Variants in EXOC6B observed in about 807,000 individuals in gnomAD.
The protein encoded by EXOC6B is exocyst complex component 6B, also known as SEC15 homolog B.
A neutral mutation model predicts 113.5 loss-of-function variants in EXOC6B; 54 were observed. That is an observed-to-expected ratio of 0.48 (90% CI 0.38 to 0.60). The LOEUF (loss-of-function observed/expected upper bound fraction) is 0.60, where lower values mean the gene tolerates loss of function less well. EXOC6B is among the 20% of genes least tolerant of loss of function. EXOC6B has a pLI of 0.00. For missense variants in EXOC6B, 797 were observed against 977.5 expected (o/e 0.82, Z 2.46); for synonymous variants, 357 against 339.0 (o/e 1.05, Z -0.58).
intron 20 of EXOC6B, among the ~76,000 whole-genome samples, chr2:72,247,155 A>T (rs1442869855): frequency 6.6e-6 from 1 of 152,198 alleles, no homozygotes; most frequent in East Asian, 1.9e-4. Context: ...ATATGAAAAT[A>T]ATCTTTCTGA....
chr2:72,338,160 T>C (rs1688802616), intron 19 of EXOC6B, among the ~76,000 whole-genome samples: 1 of 152,148 alleles, frequency 6.6e-6, no homozygotes, highest in Non-Finnish European at 1.5e-5. Flanking sequence ...ACTTAACCTC[T>C]TTACACTTCA....
At chr2:72,401,646 C>CATATAT (rs72155589) in intron 18 of EXOC6B, among the ~76,000 whole-genome samples, 5 of 20,690 alleles carry the variant, frequency 2.4e-4, no homozygotes, top group Non-Finnish European at 1.6e-4. Context: ...TACATATATA[C>CATATAT]ATATATATAT....
chr2:72,692,661 T>C (rs146770610), intron 6 of EXOC6B, among the ~76,000 whole-genome samples: 3 of 152,334 alleles, frequency 2.0e-5, no homozygotes, highest in African/African-American at 7.2e-5. Context: ...TTTTTCACTA[T>C]ATTCTTTATC....
In EXOC6B at chr2:72,218,047, C is replaced by A. The variant is rs1264458970; in HGVS notation, c.2197-33860G>T. 2.0e-5 allele frequency among the ~76,000 whole-genome samples: 3 copies of A among 152,184 alleles called. No individual in the cohort carries two copies. In the East Asian group the frequency reaches 5.8e-4, roughly 29 times the overall value. On this transcript the variant is annotated intron_variant, in intron 20 of 21. Transcript: ENST00000272427. Reference sequence around the variant, plus strand: ...AGAAGTTAAGTAACTTGTTCCAGATCACTGAAGGGCTCTTTGGAAAAAGGA... The same window carrying A: ...AGAAGTTAAGTAACTTGTTCCAGATAACTGAAGGGCTCTTTGGAAAAAGGA...
intron 20 of EXOC6B, among the ~76,000 whole-genome samples, chr2:72,229,217 A>C (rs927069072): frequency 1.3e-5 from 2 of 152,128 alleles, no homozygotes; most frequent in African/African-American, 4.8e-5. Context: ...AAAAGAGAAA[A>C]ATGGTAAAGC....
chr2:72,657,531 T>C (rs909213415), intron 6 of EXOC6B, among the ~76,000 whole-genome samples: 6 of 150,904 alleles, frequency 4.0e-5, no homozygotes, highest in Non-Finnish European at 5.9e-5. Context: ...CACACCTGGC[T>C]TGTCATTTAA....
chr2:72,654,324 G>C (rs1045265050), intron 6 of EXOC6B, among the ~76,000 whole-genome samples: 1 of 152,190 alleles, frequency 6.6e-6, no homozygotes, highest in Non-Finnish European at 1.5e-5. Context: ...CTACATAGAA[G>C]TCTTTAACAA....
chr2:72,709,699 T>A (rs1679144562), intron 6 of EXOC6B, among the ~76,000 whole-genome samples: 1 of 152,136 alleles, frequency 6.6e-6, no homozygotes. Context: ...TTTTTTCTAA[T>A]CTTTGTTTTT....
chr2:72,823,479 C>CAAAAAAA (rs1214480106), intron 1 of EXOC6B, among the ~76,000 whole-genome samples: 5 of 95,338 alleles, frequency 5.2e-5, no homozygotes, highest in Non-Finnish European at 7.3e-5. Context: ...AAAAAAAAAA[C>CAAAAAAA]AAAAAACAAA....
At chr2:72,741,113 A>AG (rs1240094317) in intron 2 of EXOC6B, among the ~76,000 whole-genome samples, 191 bp downstream of exon 2, 2 of 151,630 alleles carry the variant, frequency 1.3e-5, no homozygotes, top group Non-Finnish European at 2.9e-5. Context: ...CAAAAAAAAA[A>AG]GGGGGGGTGG....
intron 6 of EXOC6B, among the ~76,000 whole-genome samples, chr2:72,708,480 C>T (rs1234314083): frequency 6.6e-6 from 1 of 152,110 alleles, no homozygotes; most frequent in African/African-American, 2.4e-5. Flanking sequence ...TAAACAGTTG[C>T]ATTTACCCAT....
chr2:72,685,371 T>G (rs909645212), intron 6 of EXOC6B, among the ~76,000 whole-genome samples: 1 of 152,152 alleles, frequency 6.6e-6, no homozygotes, highest in Non-Finnish European at 1.5e-5. Flanking sequence ...TAGGCAGGCG[T>G]ATTCTGTGTG....
intron 1 of EXOC6B, among the ~76,000 whole-genome samples, chr2:72,765,531 G>T (rs540844339): frequency 4.6e-5 from 7 of 152,228 alleles, no homozygotes; most frequent in African/African-American, 1.7e-4. Context: ...AACTTAGCCA[G>T]CCATGATGAC....
chr2:72,711,121 C>G (rs1391891494), intron 6 of EXOC6B, among the ~76,000 whole-genome samples: 1 of 151,964 alleles, frequency 6.6e-6, no homozygotes, highest in Non-Finnish European at 1.5e-5. Context: ...TAAGTGAAAT[C>G]CAGAAATAAA....
rs181944266 is a variant in EXOC6B, at chr2:72,767,344, T to C, written c.114-25875A>G. ...AACTGGAGAGGCTGAGGCAGGAGAATCGCTTGAAACCGGGAGGCGGAGGTT... is the reference window on the plus strand; with the variant it reads ...AACTGGAGAGGCTGAGGCAGGAGAACCGCTTGAAACCGGGAGGCGGAGGTT... On this transcript the variant is annotated intron_variant, in intron 1 of 21. Coordinates refer to ENST00000272427, the MANE Select transcript of EXOC6B (RefSeq NM_015189.3). 1.9e-3 allele frequency among the ~76,000 whole-genome samples: 290 copies of C among 152,008 alleles called. 1 individual carries two copies. Among genetic ancestry groups the C allele is most frequent in the Admixed American group, 6.0e-3 (91 of 15,270 alleles).
At chr2:72,650,747 T>C (rs751331568) in intron 6 of EXOC6B, among the ~76,000 whole-genome samples, 1 of 152,062 alleles carries the variant, frequency 6.6e-6, no homozygotes, top group Non-Finnish European at 1.5e-5. Flanking sequence ...CTACAATTCC[T>C]ATCAGAATGG....
intron 20 of EXOC6B, among the ~76,000 whole-genome samples, chr2:72,210,294 C>T (rs1315042234): frequency 3.3e-5 from 5 of 152,144 alleles, no homozygotes; most frequent in Admixed American, 3.3e-4. Context: ...AATTAAGGAG[C>T]CAGATCCACA....
chr2:72,427,784 G>A (rs565266194), intron 18 of EXOC6B, among the ~76,000 whole-genome samples: 2 of 152,272 alleles, frequency 1.3e-5, no homozygotes, highest in Non-Finnish European at 2.9e-5. Context: ...AAGGCTGGGG[G>A]CTAGGCTGGC....
At chr2:72,593,993 G>C (rs984592312) in intron 6 of EXOC6B, among the ~76,000 whole-genome samples, 2 of 152,104 alleles carry the variant, frequency 1.3e-5, no homozygotes, top group Non-Finnish European at 2.9e-5. Context: ...TGTTGTTGCT[G>C]TTGTTAAGAC....
Sources: gnomAD v4.1 joint callset for allele counts (sites outside exome capture counted in the v4.1 genomes callset) on GRCh38, gnomAD v4.1.1 for gene constraint, MANE v1.5 for transcripts, NCBI Gene and HGNC (gene_info 2026-07-23, HGNC 2026-07-21) for gene names.